LDHA: variants seen among roughly 807,000 people sequenced by gnomAD.
The protein encoded by LDHA is lactate dehydrogenase A, also known as L-lactate dehydrogenase A chain.
Under a neutral mutation model 36.3 loss-of-function variants are expected in LDHA, and 10 were observed. The observed-to-expected ratio is 0.28, with a 90% CI of 0.17 to 0.47. LDHA has a LOEUF of 0.47. Among genes scored for constraint, LDHA ranks in the 20% least tolerant of loss-of-function variants. The pLI, the probability that LDHA is intolerant of heterozygous loss-of-function variation, is 0.99. For synonymous variants in LDHA, 110 were observed against 136.7 expected (o/e 0.80, Z 1.36); for missense variants, 267 against 405.8 (o/e 0.66, Z 2.94).
chr11:18,396,484 C>G (rs1457054189), intron 1 of LDHA: 6 of 778,356 alleles, frequency 7.7e-6, no homozygotes, highest in Non-Finnish European at 1.1e-5. Flanking sequence ...CTGTAGGAGC[C>G]GGAGTAGCTC....
chr11:18,399,357 A>G lies in LDHA; in HGVS notation c.127-74A>G, dbSNP rs1866402231. ...CAGAACTCTCCTATGCCAGAAATAT[A>G]GAAATTTTTCATGCTCTTCTAAAAA... On this transcript the variant is annotated intron_variant, in intron 2 of 7. Coordinates refer to ENST00000422447, the MANE Select transcript of LDHA (RefSeq NM_005566.4). The G allele has an allele frequency of 6.7e-6, 7 of 1,049,004 alleles. No homozygotes were observed. In the South Asian group the frequency reaches 8.9e-5, roughly 13 times the overall value. 65.0% of individuals were successfully genotyped at this position (1,049,004 alleles called of 1,614,324 possible).
chr11:18,395,992 C>T (rs1042439180), intron 1 of LDHA, among the ~76,000 whole-genome samples: 3 of 152,270 alleles, frequency 2.0e-5, no homozygotes, highest in African/African-American at 4.8e-5. Context: ...CGCGCCAGAC[C>T]TGGGAGGCTG....
Position 18,408,195 on chromosome 11 carries a change from A to G in LDHA, c.*914A>G, listed in dbSNP as rs147174554. ...TCTTGTCCTCTGGAAGCTGGTAACA[A>G]TTAAAAACAATCTTAAGGCAGGGTG... On this transcript the variant is annotated 3_prime_UTR_variant, in exon 8 of 8. Transcript: ENST00000422447. The G allele has an allele frequency of 2.0e-5, 9 of 454,148 alleles. No individual in the cohort carries two copies. In the East Asian group the frequency reaches 6.3e-4, roughly 32 times the overall value. The allele number at this position is 454,148 out of a possible 1,614,324, so 28.1% of individuals were successfully genotyped here.
At chr11:18,406,821 C>A in intron 7 of LDHA, 1 of 239,598 alleles carries the variant, frequency 4.2e-6, no homozygotes. Flanking sequence ...TGAGACCAAC[C>A]TGGCCAACAT....
At position 18,407,507 on chromosome 11, in the gene LDHA, G is replaced by T. The variant is rs1418587825; in HGVS notation, c.*226G>T. ...ATCTTGTGTAGTCTTCAACTGGTTA[G>T]TGTGAAATAGTTCTGCCACCTCTGA... On this transcript the variant is annotated 3_prime_UTR_variant, in exon 8 of 8. Coordinates refer to ENST00000422447, the MANE Select transcript of LDHA (RefSeq NM_005566.4). The T allele has an allele frequency of 1.1e-6, 1 of 893,630 alleles. No individual in the cohort carries two copies. The highest frequency in any genetic ancestry group is 2.0e-5 in the Admixed American group (1 of 50,190). 55.4% of individuals were successfully genotyped at this position (893,630 alleles called of 1,614,324 possible). A position where few individuals can be genotyped will look rare whatever the true frequency, so the allele number is the denominator to read the frequency against.
rs770829264 is a variant in LDHA, at chr11:18,402,856, C to T, written c.435C>T (p.Tyr145=). 137 of 1,611,640 alleles carry T rather than the reference C, an allele frequency of 8.5e-5. No individual in the cohort carries two copies. Among genetic ancestry groups the T allele is most frequent in the Middle Eastern group, 1.7e-4 (1 of 6,054 alleles). The change falls in exon 5 of 8, where the codon TAC becomes TAT. Residue 145 remains tyrosine, a synonymous_variant. Coordinates refer to ENST00000422447, the MANE Select transcript of LDHA (RefSeq NM_005566.4). Reference sequence around the variant, plus strand: ...TTTTCATAGTGGATATCTTGACCTACGTGGCTTGGAAGATAAGTGGTTTTC... The same window carrying T: ...TTTTCATAGTGGATATCTTGACCTATGTGGCTTGGAAGATAAGTGGTTTTC... ...IVSNPVDILT[Y]VAWKISGFPK... is the part of the protein sequence containing the mutation.
chr11:18,406,721 GA>G (rs879785372), intron 7 of LDHA: 106 of 122,206 alleles, frequency 8.7e-4, no homozygotes, highest in South Asian at 1.8e-3. Flanking sequence ...CATCTCAAAA[GA>G]AAAAAAAAAG....
At chr11:18,397,138 A>T in intron 2 of LDHA, 170 bp downstream of exon 2, 1 of 597,100 alleles carries the variant, frequency 1.7e-6, no homozygotes, top group Non-Finnish European at 3.0e-6. Context: ...ATACACCAAA[A>T]GTGTATCTGA....
chr11:18,396,623 A>G, intron 1 of LDHA, 196 bp from the exon 2 acceptor site: 1 of 1,407,496 alleles, frequency 7.1e-7, no homozygotes, highest in East Asian at 2.6e-5. Flanking sequence ...ATGGGCCTTC[A>G]CTCTTCACAG....
chr11:18,407,220 A>C lies in LDHA; in HGVS notation c.938A>C (p.Glu313Ala). The C allele has an allele frequency of 6.2e-7, 1 of 1,613,934 alleles. No homozygotes were observed. The highest frequency in any genetic ancestry group is 1.1e-5 in the South Asian group (1 of 91,084). Reference protein sequence around the residue: ...LVKVTLTSEEEARLKKSADTL... With the variant: ...LVKVTLTSEEAARLKKSADTL... ...AAGGTGACTCTGACTTCTGAGGAAG[A>C]GGCCCGTTTGAAGAAGAGTGCAGAT... is the stretch of plus-strand genomic sequence containing the variant. Residue 313 changes from glutamate to alanine, a missense_variant, in exon 8 of 8, where the codon GAG (glutamate) becomes GCG (alanine). Transcript: ENST00000422447.
At chr11:18,400,712 A>C (rs1402088658) in intron 3 of LDHA, 125 bp from the exon 4 acceptor site, 1 of 728,376 alleles carries the variant, frequency 1.4e-6, no homozygotes, top group East Asian at 2.7e-5. Flanking sequence ...TCCATTTAAG[A>C]AGCCATAATG....
At chr11:18,402,597 C>A in intron 4 of LDHA, 1 of 425,522 alleles carries the variant, frequency 2.4e-6, no homozygotes, top group Non-Finnish European at 4.4e-6. Context: ...CATGCCCAGC[C>A]AAAACTACTT....
chr11:18,408,196 T>C lies in LDHA; in HGVS notation c.*915T>C. 1 of 454,056 alleles carries C rather than the reference T, an allele frequency of 2.2e-6. No homozygotes were observed. The highest frequency in any genetic ancestry group is 4.4e-6 in the Non-Finnish European group (1 of 226,776). The allele number at this position is 454,056 out of a possible 1,614,324, so 28.1% of individuals were successfully genotyped here. ...CTTGTCCTCTGGAAGCTGGTAACAA[T>C]TAAAAACAATCTTAAGGCAGGGTGC... is the stretch of plus-strand genomic sequence containing the variant. On this transcript the variant is annotated 3_prime_UTR_variant, in exon 8 of 8. Transcript: ENST00000422447.
chr11:18,400,771 T>C (rs763125061), intron 3 of LDHA, 66 bp from the exon 4 acceptor site: 1 of 1,304,650 alleles, frequency 7.7e-7, no homozygotes, highest in South Asian at 1.2e-5. Context: ...ATGGAACAAA[T>C]TTTTGCTGCC....
intron 5 of LDHA, among the ~76,000 whole-genome samples, chr11:18,403,373 TGA>T (rs1050146890): frequency 3.0e-4 from 45 of 152,266 alleles, no homozygotes; most frequent in African/African-American, 9.9e-4. Flanking sequence ...TTATCACAGT[TGA>T]AAAATGTTAT....
chr11:18,403,866 T>A, intron 6 of LDHA, 55 bp downstream of exon 6: 2 of 1,022,744 alleles, frequency 2.0e-6, no homozygotes, highest in Non-Finnish European at 1.5e-6. Context: ...TATTTTTATT[T>A]AAAAGGTTAA....
intron 7 of LDHA, among the ~76,000 whole-genome samples, chr11:18,406,323 G>A (rs1257697515): frequency 1.3e-5 from 2 of 149,412 alleles, no homozygotes; most frequent in Non-Finnish European, 3.0e-5. Flanking sequence ...CAGCTGTAAT[G>A]CCAGCACTTT....
At chr11:18,397,262 A>G in intron 2 of LDHA, 1 of 240,730 alleles carries the variant, frequency 4.2e-6, no homozygotes, top group East Asian at 8.0e-5. Flanking sequence ...ATGATTTTAA[A>G]TGAGCCAAAA....
chr11:18,406,984 C>A (rs763708091), intron 7 of LDHA, 133 bp from the exon 8 acceptor site: 3 of 689,046 alleles, frequency 4.4e-6, no homozygotes, highest in Non-Finnish European at 7.0e-6. Flanking sequence ...CCAGCCTGGG[C>A]GACAGAGCGA....
Sources: gnomAD v4.1 joint callset for allele counts (sites outside exome capture counted in the v4.1 genomes callset) on GRCh38, gnomAD v4.1.1 for gene constraint, MANE v1.5 for transcripts, NCBI Gene and HGNC (gene_info 2026-07-23, HGNC 2026-07-21) for gene names.